The following ASIC2 variants were observed in gnomAD, a reference collection of about 807,000 sequenced individuals.
The protein encoded by ASIC2 is acid-sensing ion channel 2.
A neutral mutation model predicts 57.3 loss-of-function variants in ASIC2; 25 were observed. The ratio of observed to expected loss-of-function variants is 0.44; its 90% CI spans 0.32 to 0.61. ASIC2 has a LOEUF of 0.61. Among genes scored for constraint, ASIC2 ranks in the 20% least tolerant of loss-of-function variants. ASIC2 has a pLI of 0.06. For synonymous variants in ASIC2, 319 were observed against 307.5 expected (o/e 1.04, Z -0.39); for missense variants, 641 against 738.1 (o/e 0.87, Z 1.52).
intron 1 of ASIC2, among the ~76,000 whole-genome samples, chr17:33,455,808 T>C (rs1912429372): frequency 6.6e-6 from 1 of 152,228 alleles, no homozygotes; most frequent in South Asian, 2.1e-4. Flanking sequence ...ACTGACTAGA[T>C]GATGTCCTGA....
At chr17:34,080,757 A>C (rs1909847202) in intron 1 of ASIC2, 1 of 152,230 alleles carries the variant, frequency 6.6e-6, no homozygotes, top group Non-Finnish European at 1.5e-5. Flanking sequence ...AACTGAACGG[A>C]GCAATCAAGA....
chr17:33,988,630 T>A (rs1007312682), intron 1 of ASIC2, among the ~76,000 whole-genome samples: 2 of 151,982 alleles, frequency 1.3e-5, no homozygotes, highest in Admixed American at 1.3e-4. Flanking sequence ...TCTTTACCAT[T>A]TCTGCTTGCC....
intron 1 of ASIC2, among the ~76,000 whole-genome samples, chr17:34,131,388 C>A (rs1173584402): frequency 6.6e-6 from 1 of 152,138 alleles, no homozygotes; most frequent in Non-Finnish European, 1.5e-5. Context: ...TGCCAGCCCC[C>A]CAAGCTCCAC....
At chr17:33,948,680 A>G (rs1904463313) in intron 1 of ASIC2, among the ~76,000 whole-genome samples, 1 of 152,222 alleles carries the variant, frequency 6.6e-6, no homozygotes, top group Admixed American at 6.5e-5. Context: ...GTAGCTGTGG[A>G]CTTCGGCAAA....
rs141224801 is a variant in ASIC2 at position 33,181,672 on chromosome 17, C to T, written c.709-69605G>A. On this transcript the variant is annotated intron_variant, in intron 1 of 9. Transcript: ENST00000225823. Reference sequence around the variant, plus strand: ...CCAGTCATTGGACCTGGGCATCACCCTCAATCCAGGATGATCTCATGCTGA... The same window carrying T: ...CCAGTCATTGGACCTGGGCATCACCTTCAATCCAGGATGATCTCATGCTGA... 5.6e-4 allele frequency among the ~76,000 whole-genome samples: 86 copies of T among 152,290 alleles called. 2 individuals carry two copies. The East Asian group carries it at 0.016, about 28-fold the overall frequency.
intron 1 of ASIC2, among the ~76,000 whole-genome samples, chr17:33,279,432 C>T (rs953839187): frequency 6.6e-6 from 1 of 152,142 alleles, no homozygotes; most frequent in African/African-American, 2.4e-5. Context: ...AGTGACTTAG[C>T]TTTGTGACTT....
At chr17:33,637,323 C>T (rs1364745900) in intron 1 of ASIC2, among the ~76,000 whole-genome samples, 1 of 152,062 alleles carries the variant, frequency 6.6e-6, no homozygotes, top group Non-Finnish European at 1.5e-5. Context: ...AGATCTGCAT[C>T]TCCAGCTCCT....
intron 3 of ASIC2, among the ~76,000 whole-genome samples, chr17:33,080,078 G>A (rs2092107105): frequency 6.6e-6 from 1 of 152,146 alleles, no homozygotes; most frequent in Admixed American, 6.5e-5. Flanking sequence ...CCAGGCTGGG[G>A]TGGCAGTCTG....
intron 1 of ASIC2, among the ~76,000 whole-genome samples, chr17:33,577,920 A>C (rs1022398453): frequency 2.0e-5 from 3 of 152,130 alleles, no homozygotes; most frequent in African/African-American, 7.2e-5. Context: ...TGTGAGTTGA[A>C]AATGCCATTA....
intron 1 of ASIC2, among the ~76,000 whole-genome samples, chr17:33,601,818 T>C (rs1880843325): frequency 6.6e-6 from 1 of 152,210 alleles, no homozygotes; most frequent in Admixed American, 6.5e-5. Context: ...ACCTCCACCC[T>C]TGTGTGCCCG....
intron 1 of ASIC2, among the ~76,000 whole-genome samples, chr17:34,069,014 C>A (rs1178444743): frequency 6.6e-6 from 1 of 152,186 alleles, no homozygotes. Context: ...GAAAGGAAGA[C>A]CACGATGTGC....
intron 1 of ASIC2, among the ~76,000 whole-genome samples, chr17:33,796,671 C>T (rs1276407416): frequency 6.6e-6 from 1 of 152,100 alleles, no homozygotes; most frequent in Non-Finnish European, 1.5e-5. Flanking sequence ...AATGATGCTG[C>T]CAGAAACGCT....
intron 1 of ASIC2, among the ~76,000 whole-genome samples, chr17:33,135,157 C>A (rs1390311430): frequency 6.6e-6 from 1 of 152,086 alleles, no homozygotes; most frequent in Non-Finnish European, 1.5e-5. Context: ...GCCCTGCTGC[C>A]CTCATGAACG....
In ASIC2 at chr17:33,254,395, C is replaced by T. The variant is rs564161894; in HGVS notation, c.708+37013G>A. On this transcript the variant is annotated intron_variant, in intron 1 of 9. Transcript: ENST00000225823. ...TTGGCTTCCCTTCTTGGATGAAATA[C>T]TTCAGTTGGGACAAAAGTGAAGTTC... is the stretch of plus-strand genomic sequence containing the variant. 7.3e-4 allele frequency among the ~76,000 whole-genome samples: 111 copies of T among 152,280 alleles called. 1 individual carries two copies. Among genetic ancestry groups the T allele is most frequent in the African/African-American group, 2.6e-3 (110 of 41,562 alleles).
intron 1 of ASIC2, among the ~76,000 whole-genome samples, chr17:33,975,625 C>A (rs1905358644): frequency 6.6e-6 from 1 of 152,130 alleles, no homozygotes; most frequent in African/African-American, 2.4e-5. Context: ...GAGTTCCAGG[C>A]AAGCCTACCA....
intron 1 of ASIC2, among the ~76,000 whole-genome samples, chr17:33,610,511 C>G (rs1227491435): frequency 6.6e-6 from 1 of 152,016 alleles, no homozygotes; most frequent in Non-Finnish European, 1.5e-5. Flanking sequence ...CCCTAATGGT[C>G]TGAGTATTAT....
intron 1 of ASIC2, among the ~76,000 whole-genome samples, chr17:33,586,301 G>T (rs117359901): frequency 5.3e-5 from 8 of 152,056 alleles, no homozygotes; most frequent in African/African-American, 1.7e-4. Context: ...TACCATCTAG[G>T]GGGGCAGGGG....
intron 1 of ASIC2, among the ~76,000 whole-genome samples, chr17:33,327,244 G>C (rs1907115817): frequency 6.6e-6 from 1 of 152,104 alleles, no homozygotes; most frequent in African/African-American, 2.4e-5. Flanking sequence ...CCCCACTCAA[G>C]TCTTGCCTTC....
intron 1 of ASIC2, among the ~76,000 whole-genome samples, chr17:33,368,157 G>A (rs1908894741): frequency 6.6e-6 from 1 of 152,190 alleles, no homozygotes; most frequent in African/African-American, 2.4e-5. Flanking sequence ...TTTGATCAAT[G>A]GGATACAGTG....
Sources: gnomAD v4.1 joint callset for allele counts (sites outside exome capture counted in the v4.1 genomes callset) on GRCh38, gnomAD v4.1.1 for gene constraint, MANE v1.5 for transcripts, NCBI Gene and HGNC (gene_info 2026-07-23, HGNC 2026-07-21) for gene names.